Variants in USP46 observed in about 807,000 individuals in gnomAD.
The protein encoded by USP46 is ubiquitin specific peptidase 46, also known as ubiquitin carboxyl-terminal hydrolase 46.
A neutral mutation model predicts 44.4 loss-of-function variants in USP46; 12 were observed. That is an observed-to-expected ratio of 0.27 (90% confidence interval 0.17 to 0.44). The LOEUF (loss-of-function observed/expected upper bound fraction) is 0.44, where lower values mean the gene tolerates loss of function less well. Among genes scored for constraint, USP46 ranks in the 20% least tolerant of loss-of-function variants. The pLI, the probability that USP46 is intolerant of heterozygous loss-of-function variation, is 1.00. For synonymous variants in USP46, 155 were observed against 161.5 expected (o/e 0.96, Z 0.31); for missense variants, 248 against 444.8 (o/e 0.56, Z 3.98).
intron 1 of USP46, among the ~76,000 whole-genome samples, chr4:52,640,698 C>A (rs1718304341): frequency 6.7e-6 from 1 of 150,342 alleles, no homozygotes; most frequent in Admixed American, 6.7e-5. Context: ...CCCAGCTACT[C>A]AGGAGACTGA....
chr4:52,624,392 T>C (rs973969712), intron 4 of USP46, among the ~76,000 whole-genome samples: 6 of 152,184 alleles, frequency 3.9e-5, no homozygotes, highest in Non-Finnish European at 7.4e-5. Flanking sequence ...TGGTTATCTC[T>C]GGGCTAATGT....
At position 52,606,876 on chromosome 4, in the gene USP46, G is replaced by A. The variant is rs147655892; in HGVS notation, c.639-2292C>T. ...TAAACTTTCAGATTTCAAGTACATG[G>A]TGCATAAAACAAACTCATACTTAGC... On this transcript the variant is annotated intron_variant, in intron 5 of 8. Transcript: ENST00000441222. Among the ~76,000 whole-genome samples, 231 of 152,326 alleles carry A rather than the reference G, an allele frequency of 1.5e-3. 1 individual carries two copies. Among genetic ancestry groups the A allele is most frequent in the Non-Finnish European group, 2.5e-3 (170 of 68,024 alleles).
In USP46 at chr4:52,593,978, T is replaced by C. The variant is rs905535667; in HGVS notation, c.*3662A>G. On this transcript the variant is annotated 3_prime_UTR_variant, in exon 9 of 9. Coordinates refer to ENST00000441222, the MANE Select transcript of USP46 (RefSeq NM_022832.4). ...AAAGTGATGAGTTATCTCCAGAACATTGATTTTTATCAACCTTGAGAGTAA... is the reference window on the plus strand; with the variant it reads ...AAAGTGATGAGTTATCTCCAGAACACTGATTTTTATCAACCTTGAGAGTAA... The C allele has an allele frequency of 2.0e-5, 3 of 152,256 alleles. No homozygotes were observed. The highest frequency in any genetic ancestry group is 4.8e-5 in the African/African-American group (2 of 41,464). 9.4% of individuals were successfully genotyped at this position (152,256 alleles called of 1,614,324 possible).
At chr4:52,632,218 A>C (rs1220743229) in intron 1 of USP46, among the ~76,000 whole-genome samples, 1 of 152,220 alleles carries the variant, frequency 6.6e-6, no homozygotes, top group Non-Finnish European at 1.5e-5. Context: ...GTCCACAATC[A>C]TAAGCAAATG....
intron 1 of USP46, among the ~76,000 whole-genome samples, chr4:52,647,291 T>C (rs1052821917): frequency 2.6e-5 from 4 of 152,244 alleles, no homozygotes; most frequent in African/African-American, 9.6e-5. Flanking sequence ...CAGTTGCTTG[T>C]ATATGCATAT....
intron 1 of USP46, among the ~76,000 whole-genome samples, chr4:52,645,082 G>A (rs920459374): frequency 4.0e-5 from 6 of 151,824 alleles, no homozygotes; most frequent in African/African-American, 9.7e-5. Flanking sequence ...AAAATTAGCC[G>A]GACATGGTGG....
chr4:52,635,949 C>T (rs1718097204), intron 1 of USP46, among the ~76,000 whole-genome samples: 1 of 152,010 alleles, frequency 6.6e-6, no homozygotes. Flanking sequence ...GTTCACTGTG[C>T]TTTCTGTTTA....
chr4:52,614,837 A>G (rs1319656491), intron 4 of USP46, among the ~76,000 whole-genome samples: 1 of 152,228 alleles, frequency 6.6e-6, no homozygotes, highest in African/African-American at 2.4e-5. Context: ...TGTAATATAT[A>G]TAACAACTAC....
intron 1 of USP46, among the ~76,000 whole-genome samples, chr4:52,648,731 A>AAT (rs1718644521): frequency 2.0e-5 from 3 of 152,054 alleles, no homozygotes; most frequent in Admixed American, 1.3e-4. Context: ...TTACTACATT[A>AAT]CCCTCTGATT....
intron 1 of USP46, among the ~76,000 whole-genome samples, chr4:52,642,325 C>T (rs1290201921): frequency 6.6e-6 from 1 of 152,182 alleles, no homozygotes; most frequent in African/African-American, 2.4e-5. Context: ...GCAGACACTG[C>T]TACTGGCCTT....
intron 1 of USP46, among the ~76,000 whole-genome samples, chr4:52,641,093 T>C (rs1718322327): frequency 6.6e-6 from 1 of 152,030 alleles, no homozygotes; most frequent in Non-Finnish European, 1.5e-5. Flanking sequence ...CTGTATAAAT[T>C]GTAAAGTATG....
chr4:52,632,990 A>AAAGAAAAGAAAAGAAAG lies in USP46; in HGVS notation c.37-1847_37-1846insCTTTCTTTTCTTTTCTT. Among the ~76,000 whole-genome samples the AAAGAAAAGAAAAGAAAG allele has an allele frequency of 2.4e-3, 159 of 65,818 alleles. 1 individual carries two copies. Among genetic ancestry groups the AAAGAAAAGAAAAGAAAG allele is most frequent in the Non-Finnish European group, 2.6e-3 (86 of 32,732 alleles). The allele number at this position is 65,818 out of a possible 152,430, so 43.2% of individuals were successfully genotyped here. A position where few individuals can be genotyped will look rare whatever the true frequency, so the allele number is the denominator to read the frequency against. ...AAAGAAAGAAAGAAAGAAAGAAAAG[A>AAAGAAAAGAAAAGAAAG]AAAGAAAGAAAGAAAGAAAGAAAGA... On this transcript the variant is annotated intron_variant, in intron 1 of 8. Transcript: ENST00000441222.
intron 1 of USP46, among the ~76,000 whole-genome samples, chr4:52,645,333 A>G (rs1412984993): frequency 6.6e-6 from 1 of 152,274 alleles, no homozygotes; most frequent in East Asian, 1.9e-4. Flanking sequence ...ACTTGACTAC[A>G]TGACCATCCC....
chr4:52,602,711 T>G (rs1212007365), intron 6 of USP46, among the ~76,000 whole-genome samples: 1 of 152,216 alleles, frequency 6.6e-6, no homozygotes, highest in Non-Finnish European at 1.5e-5. Flanking sequence ...GGTGTTTCTG[T>G]GGCTAAGTAA....
rs1293123055 is a variant in USP46, at chr4:52,594,095, C to A, written c.*3545G>T. ...AATAATTACTTGGACATAAGACCTG[C>A]CACTGACTCACACTTTATAAAAAGG... On this transcript the variant is annotated 3_prime_UTR_variant, in exon 9 of 9. Coordinates refer to ENST00000441222, the MANE Select transcript of USP46 (RefSeq NM_022832.4). 1 of 152,170 alleles carries A rather than the reference C, an allele frequency of 6.6e-6. No individual in the cohort carries two copies. The highest frequency in any genetic ancestry group is 1.5e-5 in the Non-Finnish European group (1 of 68,026). The allele number at this position is 152,170 out of a possible 1,614,324, so 9.4% of individuals were successfully genotyped here. A position where few individuals can be genotyped will look rare whatever the true frequency, so the allele number is the denominator to read the frequency against.
Position 52,626,007 on chromosome 4 carries a change from CT to C in USP46, c.561+10del, listed in dbSNP as rs1717570440. The C allele has an allele frequency of 4.3e-6, 7 of 1,612,054 alleles. No homozygotes were observed. Among genetic ancestry groups the C allele is most frequent in the Non-Finnish European group, 5.1e-6 (6 of 1,178,990 alleles). ...ACATGCGAGCTACATAAGAGCTCCC[CT>C]AGTACTTACAGTTTCACAGTTCAAG... On this transcript the variant is annotated intron_variant, in intron 4 of 8. Coordinates refer to ENST00000441222, the MANE Select transcript of USP46 (RefSeq NM_022832.4).
intron 1 of USP46, among the ~76,000 whole-genome samples, chr4:52,643,765 T>C (rs531223548): frequency 8.5e-5 from 13 of 152,300 alleles, no homozygotes; most frequent in African/African-American, 3.1e-4. Context: ...CCAAGGCAGA[T>C]TACTCTTAAT....
At chr4:52,619,719 G>A (rs369152888) in intron 4 of USP46, among the ~76,000 whole-genome samples, 38 of 152,288 alleles carry the variant, frequency 2.5e-4, no homozygotes, top group African/African-American at 8.7e-4. Flanking sequence ...GGAATGCAAC[G>A]CCTTGGGAGA....
chr4:52,652,458 T>C (rs547318460), intron 1 of USP46, among the ~76,000 whole-genome samples: 4 of 152,278 alleles, frequency 2.6e-5, no homozygotes, highest in East Asian at 1.9e-4. Context: ...CAACTGTTCA[T>C]TGCATTAAAA....
Sources: gnomAD v4.1 joint callset for allele counts (sites outside exome capture counted in the v4.1 genomes callset) on GRCh38, gnomAD v4.1.1 for gene constraint, MANE v1.5 for transcripts, NCBI Gene and HGNC (gene_info 2026-07-23, HGNC 2026-07-21) for gene names.